Variants in POM121C observed in about 807,000 individuals in gnomAD.
POM121C encodes nuclear envelope pore membrane protein POM 121C.
A neutral mutation model predicts 66.4 loss-of-function variants in POM121C; 20 were observed. The observed-to-expected ratio is 0.30, with a 90% CI of 0.21 to 0.44. POM121C has a LOEUF of 0.44. POM121C is among the 20% of genes least tolerant of loss of function. The pLI is 1.00. For missense variants in POM121C, 580 were observed against 1,225.7 expected, an observed-to-expected ratio of 0.47 and a Z score of 7.87; for synonymous variants, 286 against 528.0, an observed-to-expected ratio of 0.54 and a Z score of 6.28.
chr7:75,485,394 G>T (rs1419434321), intron 1 of POM121C, among the ~76,000 whole-genome samples: 2 of 152,068 alleles, frequency 1.3e-5, no homozygotes, highest in African/African-American at 4.8e-5. Flanking sequence ...CAAAGCCGGT[G>T]ACCTGGTCAA....
intron 12 of POM121C, 135 bp downstream of exon 12, chr7:75,423,914 G>A: frequency 9.4e-6 from 14 of 1,492,896 alleles, no homozygotes; most frequent in South Asian, 2.5e-5. Flanking sequence ...ACGTAGGCCC[G>A]CTCCGGTGTG....
chr7:75,447,131 A>G (rs1405640999), intron 3 of POM121C, among the ~76,000 whole-genome samples: 2 of 147,486 alleles, frequency 1.4e-5, no homozygotes, highest in Admixed American at 6.8e-5. Flanking sequence ...ACAGCCCATA[A>G]TAACAACCAA....
Position 75,421,737 on chromosome 7 carries a change from C to A in POM121C, c.2515G>T (p.Gly839Cys), listed in dbSNP as rs782538451. Residue 839 changes from glycine (G) to cysteine (C), a missense_variant, in exon 13 of 15, where the codon GGT (glycine) becomes TGT (cysteine). Gly to Cys is a radical substitution (Grantham distance 159, BLOSUM62 -3). Transcript: ENST00000615331. ...CCACTGCCAGCGGGGGCTGCCGAAC[C>A]CCCAAACGTGAAGGGTGATGGTGTT... is the stretch of plus-strand genomic sequence containing the variant. ...STTPSPFTFG[G>C]SAAPAGSGSF... 5 of 1,608,276 alleles carry A rather than the reference C, an allele frequency of 3.1e-6. No individual in the cohort carries two copies. In the South Asian group the frequency reaches 5.5e-5, roughly 18 times the overall value.
At chr7:75,468,765 T>C (rs1283612330) in intron 3 of POM121C, among the ~76,000 whole-genome samples, 2 of 152,048 alleles carry the variant, frequency 1.3e-5, no homozygotes, top group African/African-American at 4.8e-5. Context: ...GTCATGCCTA[T>C]AATCCCAACA....
At chr7:75,463,865 G>A (rs1791532071) in intron 3 of POM121C, among the ~76,000 whole-genome samples, 1 of 151,680 alleles carries the variant, frequency 6.6e-6, no homozygotes, top group Admixed American at 6.6e-5. Flanking sequence ...ACTGTTTTTG[G>A]ATTTTTAGTA....
In POM121C at chr7:75,441,507, C is replaced by T. The variant is rs782054171; in HGVS notation, c.-11G>A. On this transcript the variant is annotated 5_prime_UTR_variant, in exon 4 of 15. Transcript: ENST00000615331. ...TGGGCTACACACCATCCTGGAGTTG[C>T]GAGGGGACAGCACAGCCTTCTTGTG... is the stretch of plus-strand genomic sequence containing the variant. 16 of 1,613,740 alleles carry T rather than the reference C, an allele frequency of 9.9e-6. No individual in the cohort carries two copies. Among genetic ancestry groups the T allele is most frequent in the African/African-American group, 4.0e-5 (3 of 74,892 alleles).
chr7:75,432,190 A>C (rs1554472444), intron 7 of POM121C, among the ~76,000 whole-genome samples: 1 of 151,164 alleles, frequency 6.6e-6, no homozygotes, highest in East Asian at 1.9e-4. Context: ...GTCTCAAAAA[A>C]AAAAAAAAAA....
At chr7:75,460,995 G>C (rs1791423455) in intron 3 of POM121C, among the ~76,000 whole-genome samples, 1 of 152,142 alleles carries the variant, frequency 6.6e-6, no homozygotes. Flanking sequence ...ATCCATGTTA[G>C]GTGGCTGGCT....
At position 75,485,904 on chromosome 7, in the gene POM121C, A is replaced by G. The variant is rs1554480837; in HGVS notation, c.-498T>C. 4.0e-6 allele frequency: 2 copies of G among 503,432 alleles called. No individual in the cohort carries two copies. 31.2% of individuals were successfully genotyped at this position (503,432 alleles called of 1,614,324 possible). ...CAGCCTCTGCCCCACGGCTCCCGAG[A>G]GGCCGGGGCGGGCTGCTGTCGCTGG... On this transcript the variant is annotated 5_prime_UTR_variant, in exon 1 of 15. Coordinates refer to ENST00000615331, the MANE Select transcript of POM121C (RefSeq NM_001099415.3).
intron 11 of POM121C, 62 bp from the exon 12 acceptor site, chr7:75,424,287 T>A (rs1423227675): frequency 6.3e-7 from 1 of 1,581,228 alleles, no homozygotes; most frequent in Non-Finnish European, 8.7e-7. Context: ...CACATGCCTG[T>A]CGGAGAGCAG....
At chr7:75,462,245 T>G (rs1345283502) in intron 3 of POM121C, among the ~76,000 whole-genome samples, 2 of 151,912 alleles carry the variant, frequency 1.3e-5, no homozygotes, top group African/African-American at 4.9e-5. Context: ...CAGTTTCCCC[T>G]GCACTCTCCC....
intron 11 of POM121C, 49 bp from the exon 12 acceptor site, chr7:75,424,274 T>C (rs781875433): frequency 6.3e-7 from 1 of 1,599,058 alleles, no homozygotes; most frequent in South Asian, 1.1e-5. Context: ...TGGGACTTCT[T>C]TCCACATGCC....
Position 75,429,113 on chromosome 7 carries a change from T to A in POM121C, c.481-2660A>T, listed in dbSNP as rs117464033. ...GATATAACAAGACAAGGATGTTTAT[T>A]ATTATGTCTATTCAACTCAAAGTCC... On this transcript the variant is annotated intron_variant, in intron 7 of 14. Transcript: ENST00000615331. Among the ~76,000 whole-genome samples, 262 of 152,354 alleles carry A rather than the reference T, an allele frequency of 1.7e-3. 3 individuals carry two copies. In the East Asian group the frequency reaches 0.044, roughly 25 times the overall value.
chr7:75,442,936 G>GTCCGGGATCCCA (rs1790719005), intron 3 of POM121C: 1 of 630,074 alleles, frequency 1.6e-6, no homozygotes, highest in African/African-American at 2.0e-5. Flanking sequence ...AGACGATCCC[G>GTCCGGGATCCCA]TCCGGGATCC....
chr7:75,426,907 A>AT (rs1563139352), intron 7 of POM121C, among the ~76,000 whole-genome samples: 1 of 151,058 alleles, frequency 6.6e-6, no homozygotes, highest in Non-Finnish European at 1.5e-5. Context: ...ATGAAAGCAA[A>AT]AAAAGAAAAG....
chr7:75,444,841 G>C, intron 3 of POM121C, among the ~76,000 whole-genome samples: 1 of 139,774 alleles, frequency 7.2e-6, no homozygotes, highest in South Asian at 2.4e-4. Context: ...GCCTGGTGTG[G>C]TGGCATGTGC....
At chr7:75,463,833 T>C (rs1295847196) in intron 3 of POM121C, among the ~76,000 whole-genome samples, 5 of 151,952 alleles carry the variant, frequency 3.3e-5, no homozygotes, top group Admixed American at 2.6e-4. Context: ...GCTGGGATTA[T>C]AGGGGCATGC....
At chr7:75,470,735 C>T (rs1467943076) in intron 3 of POM121C, among the ~76,000 whole-genome samples, 2 of 151,868 alleles carry the variant, frequency 1.3e-5, no homozygotes, top group Non-Finnish European at 2.9e-5. Context: ...TGGGCTCAAG[C>T]AATCCTCCCA....
At chr7:75,430,049 T>C (rs1406590037) in intron 7 of POM121C, among the ~76,000 whole-genome samples, 3 of 152,160 alleles carry the variant, frequency 2.0e-5, no homozygotes, top group African/African-American at 7.2e-5. Flanking sequence ...TGTTCATAGA[T>C]TAGAAGTAAA....
Sources: gnomAD v4.1 joint callset for allele counts (sites outside exome capture counted in the v4.1 genomes callset) on GRCh38, gnomAD v4.1.1 for gene constraint, MANE v1.5 for transcripts, NCBI Gene and HGNC (gene_info 2026-07-23, HGNC 2026-07-21) for gene names.